Variants in ARHGEF18 observed in about 807,000 individuals in gnomAD.
The protein encoded by ARHGEF18 is rho guanine nucleotide exchange factor 18.
ARHGEF18 carries 93 observed loss-of-function variants against 155.7 expected under a neutral mutation model. The observed-to-expected ratio is 0.60, with a 90% CI of 0.50 to 0.71. The LOEUF is 0.71. Ranked by LOEUF, ARHGEF18 falls within the 30% of genes least tolerant of loss-of-function variation. ARHGEF18 has a pLI of 0.00. For missense variants in ARHGEF18, 1,593 were observed against 1,816.1 expected (o/e 0.88, Z 2.23); for synonymous variants, 742 against 753.1 (o/e 0.99, Z 0.24).
chr19:7,426,737 T>A (rs1973689504), intron 10 of ARHGEF18, among the ~76,000 whole-genome samples: 1 of 152,146 alleles, frequency 6.6e-6, no homozygotes, highest in African/African-American at 2.4e-5. Context: ...GATAAAGGCC[T>A]TAGGATGTGG....
intron 7 of ARHGEF18, among the ~76,000 whole-genome samples, chr19:7,380,018 T>G (rs1970648031): frequency 6.6e-6 from 1 of 151,440 alleles, no homozygotes; most frequent in Non-Finnish European, 1.5e-5. Flanking sequence ...TTTTTTTTGA[T>G]TAGCTGGGCG....
rs1393806568 is a variant in ARHGEF18, at chr19:7,472,040, T to A, written c.*1742T>A. 6.6e-6 allele frequency: 1 copy of A among 152,418 alleles called. No homozygotes were observed. The highest frequency in any genetic ancestry group is 2.4e-5 in the African/African-American group (1 of 41,450). 9.4% of individuals were successfully genotyped at this position (152,418 alleles called of 1,614,324 possible). ...CTGACTGTACATTCCTGTTCTGTTG[T>A]GAAGAGAACATTCCCAGACCCTGGC... On this transcript the variant is annotated 3_prime_UTR_variant, in exon 29 of 29. Coordinates refer to ENST00000668164, the MANE Select transcript of ARHGEF18 (RefSeq NM_001367823.1).
intron 10 of ARHGEF18, among the ~76,000 whole-genome samples, chr19:7,429,476 G>A (rs964815548): frequency 6.6e-6 from 1 of 152,146 alleles, no homozygotes; most frequent in Non-Finnish European, 1.5e-5. Context: ...GGTGGCAGGC[G>A]CCTGTAATCC....
At chr19:7,365,373 G>A (rs1261550834) in intron 2 of ARHGEF18, among the ~76,000 whole-genome samples, 6 of 152,162 alleles carry the variant, frequency 3.9e-5, no homozygotes, top group Non-Finnish European at 7.4e-5. Flanking sequence ...ATTGCAGTGA[G>A]CCAAGATCAC....
chr19:7,392,884 T>G (rs1441524370), intron 10 of ARHGEF18, among the ~76,000 whole-genome samples: 1 of 150,258 alleles, frequency 6.7e-6, no homozygotes, highest in Non-Finnish European at 1.5e-5. Context: ...CGAAACTCTG[T>G]CTCTACAAAA....
In ARHGEF18 at chr19:7,423,934, T is replaced by C. The variant is rs139900211; in HGVS notation, c.968-16410T>C. On this transcript the variant is annotated intron_variant, in intron 10 of 28. Coordinates refer to ENST00000668164, the MANE Select transcript of ARHGEF18 (RefSeq NM_001367823.1). Reference sequence around the variant, plus strand: ...GAAGTGAACCCAGAAGTGGATCTCATAGAAGCAAGCCATGTGAAAACTGAC... The same window carrying C: ...GAAGTGAACCCAGAAGTGGATCTCACAGAAGCAAGCCATGTGAAAACTGAC... Among the ~76,000 whole-genome samples the C allele has an allele frequency of 1.5e-3, 225 of 152,168 alleles. No homozygotes were observed. In the Middle Eastern group the frequency reaches 0.034, roughly 23 times the overall value.
intron 3 of ARHGEF18, among the ~76,000 whole-genome samples, chr19:7,375,311 GAAAA>G (rs539894745): frequency 1.6e-4 from 16 of 100,904 alleles, no homozygotes; most frequent in African/African-American, 5.4e-4. Flanking sequence ...AGAAAAGAAA[GAAAA>G]AGAAAGAAAG....
intron 10 of ARHGEF18, among the ~76,000 whole-genome samples, chr19:7,389,026 C>T (rs765492697): frequency 9.2e-5 from 14 of 152,098 alleles, no homozygotes; most frequent in Non-Finnish European, 1.8e-4. Context: ...CACTCTGTTG[C>T]CCAGGCTGGA....
rs527256611 is a variant in ARHGEF18 at position 7,350,299 on chromosome 19, A to G, written c.-111+1058A>G. Among the ~76,000 whole-genome samples, 5 of 152,260 alleles carry G rather than the reference A, an allele frequency of 3.3e-5. No individual in the cohort carries two copies. In the South Asian group the frequency reaches 1.0e-3, roughly 32 times the overall value. On this transcript the variant is annotated intron_variant, in intron 1 of 28. Coordinates refer to ENST00000668164, the MANE Select transcript of ARHGEF18 (RefSeq NM_001367823.1). ...TGAGCTAGAGTGGACAGCTGGGGCC[A>G]GAGAGGATGGAGCTAGGAAGTGACG... is the stretch of plus-strand genomic sequence containing the variant.
intron 1 of ARHGEF18, among the ~76,000 whole-genome samples, chr19:7,350,578 C>T (rs192164054): frequency 6.6e-6 from 1 of 152,266 alleles, no homozygotes; most frequent in East Asian, 1.9e-4. Context: ...TGGGCATCCC[C>T]TAGCCCATGA....
the ARHGEF18 span, chr19:7,477,519 G>T: frequency 8.7e-7 from 1 of 1,155,544 alleles, no homozygotes; most frequent in Non-Finnish European, 1.1e-6. Flanking sequence ...GTGTGGCCTG[G>T]CAGCCCTGAG....
rs762390589 is a variant in ARHGEF18, at chr19:7,451,173, C to G, written c.1762C>G (p.Arg588Gly). The G allele has an allele frequency of 4.1e-5, 66 of 1,600,894 alleles. No homozygotes were observed. The highest frequency in any genetic ancestry group is 8.5e-7 in the Non-Finnish European group (1 of 1,175,518). ...IKKIGNFSIV[R>G]RLGVQECILL... ...GAAAATTGGCAACTTCTCCATCGTG[C>G]GGCGGCTTGGCGTGCAGGAGTGCAT... The change falls in exon 16 of 29, where the codon CGG becomes GGG. Residue 588 changes from arginine to glycine, a missense_variant. Coordinates refer to ENST00000668164, the MANE Select transcript of ARHGEF18 (RefSeq NM_001367823.1).
intron 27 of ARHGEF18, 26 bp from the exon 28 acceptor site, chr19:7,469,878 T>C: frequency 6.2e-7 from 1 of 1,610,190 alleles, no homozygotes; most frequent in Non-Finnish European, 8.5e-7. Flanking sequence ...AGCCTGGAGC[T>C]GGCCCAAATA....
At chr19:7,474,955 T>G (rs796352536), downstream of ARHGEF18, among the ~76,000 whole-genome samples, 20 of 152,094 alleles carry the variant, frequency 1.3e-4, no homozygotes, top group South Asian at 2.1e-3. Flanking sequence ...CTGTAGTGGC[T>G]GGGCACGGTG....
chr19:7,418,206 A>G (rs1257404471), intron 10 of ARHGEF18, among the ~76,000 whole-genome samples: 1 of 152,182 alleles, frequency 6.6e-6, no homozygotes, highest in Non-Finnish European at 1.5e-5. Context: ...TCTCTATCAC[A>G]GCCAACCCCC....
At chr19:7,406,329 C>T (rs113272849) in intron 10 of ARHGEF18, among the ~76,000 whole-genome samples, 3,702 of 152,294 alleles carry the variant, frequency 0.024, 80 homozygotes, top group Non-Finnish European at 0.03. Flanking sequence ...AGGTGATCCA[C>T]CCACCTCGGC....
At chr19:7,467,912 A>G (rs1260939038) in intron 26 of ARHGEF18, among the ~76,000 whole-genome samples, 2 of 126,850 alleles carry the variant, frequency 1.6e-5, no homozygotes, top group Admixed American at 7.4e-5. Flanking sequence ...CATAAATGTT[A>G]GAAACTTCTT....
In ARHGEF18 at chr19:7,412,780, C is replaced by A. The variant is rs138556401; in HGVS notation, c.968-27564C>A. 4.4e-4 allele frequency among the ~76,000 whole-genome samples: 66 copies of A among 151,380 alleles called. No individual in the cohort carries two copies. The East Asian group carries it at 0.013, about 29-fold the overall frequency. On this transcript the variant is annotated intron_variant, in intron 10 of 28. Transcript: ENST00000668164. ...AAGTAAATAAAATAAATTATCCCATCTTAGTGGGTGTGAAGTGGGCGGTTT... is the reference window on the plus strand; with the variant it reads ...AAGTAAATAAAATAAATTATCCCATATTAGTGGGTGTGAAGTGGGCGGTTT...
chr19:7,381,131 G>A (rs1568281931), intron 8 of ARHGEF18, 137 bp downstream of exon 8: 1 of 572,314 alleles, frequency 1.7e-6, no homozygotes, highest in Non-Finnish European at 2.6e-6. Flanking sequence ...GAGCTGGCAG[G>A]AAAGGGAGGG....
Sources: allele counts gnomAD v4.1 joint callset (sites outside exome capture counted in the v4.1 genomes callset), GRCh38; gene constraint gnomAD v4.1.1; transcripts MANE v1.5; gene names NCBI Gene and HGNC (gene_info 2026-07-23, HGNC 2026-07-21).